The following RRAS2 variants were observed in gnomAD, a reference collection of about 807,000 sequenced individuals.
The protein encoded by RRAS2 is RAS related 2.
In RRAS2, 7 loss-of-function variants were observed where a neutral mutation model predicts 27.6. The observed-to-expected ratio is 0.25, with a 90% CI of 0.14 to 0.48. RRAS2 has a LOEUF of 0.48. Ranked by LOEUF, RRAS2 falls within the 20% of genes least tolerant of loss-of-function variation. RRAS2 has a pLI of 0.99. For synonymous variants in RRAS2, 86 were observed against 90.9 expected (o/e 0.95, Z 0.31); for missense variants, 178 against 256.2 (o/e 0.69, Z 2.08).
intron 5 of RRAS2, among the ~76,000 whole-genome samples, chr11:14,280,130 G>A (rs1368101387): frequency 3.9e-5 from 6 of 151,998 alleles, no homozygotes; most frequent in African/African-American, 9.7e-5. Context: ...ATGGGAAAGG[G>A]GGGTAAAATA....
intron 3 of RRAS2, 68 bp from the exon 4 acceptor site, chr11:14,294,647 G>GA: frequency 7.0e-7 from 1 of 1,438,772 alleles, no homozygotes; most frequent in Non-Finnish European, 9.6e-7. Context: ...CAAGTCTCAT[G>GA]CCCCAATTAG....
intron 1 of RRAS2, among the ~76,000 whole-genome samples, chr11:14,343,391 T>C (rs1848758405): frequency 6.6e-6 from 1 of 152,214 alleles, no homozygotes; most frequent in Admixed American, 6.5e-5. Flanking sequence ...AAACTTAAAT[T>C]TGAATTACTA....
At chr11:14,284,440 A>G (rs186462430) in intron 4 of RRAS2, among the ~76,000 whole-genome samples, 4 of 152,324 alleles carry the variant, frequency 2.6e-5, no homozygotes, top group Admixed American at 2.0e-4. Flanking sequence ...TTTATGATCC[A>G]TTCTTCTTTC....
chr11:14,333,020 T>G (rs1347802054), intron 1 of RRAS2, among the ~76,000 whole-genome samples: 1 of 152,114 alleles, frequency 6.6e-6, no homozygotes, highest in African/African-American at 2.4e-5. Context: ...AACTCAACAT[T>G]TGGGTCAATT....
At chr11:14,339,708 TAAA>T (rs1362721669) in intron 1 of RRAS2, among the ~76,000 whole-genome samples, 2 of 152,210 alleles carry the variant, frequency 1.3e-5, no homozygotes, top group Non-Finnish European at 2.9e-5. Flanking sequence ...TTATTAAAGT[TAAA>T]AAGAATTTTT....
intron 4 of RRAS2, among the ~76,000 whole-genome samples, chr11:14,293,294 G>A (rs963209949): frequency 1.3e-5 from 2 of 150,812 alleles, no homozygotes; most frequent in Admixed American, 6.6e-5. Flanking sequence ...TTTTCCTGAT[G>A]TTTACACTTT....
chr11:14,306,676 C>A (rs1399974279), intron 1 of RRAS2, among the ~76,000 whole-genome samples: 5 of 152,110 alleles, frequency 3.3e-5, no homozygotes, highest in Non-Finnish European at 7.4e-5. Flanking sequence ...GGTGGCTGTT[C>A]TACTGGGCTG....
chr11:14,344,983 C>CTTTTTTTTT lies in RRAS2; in HGVS notation c.108+13779_108+13780insAAAAAAAAA, dbSNP rs782306600. Among the ~76,000 whole-genome samples the CTTTTTTTTT allele has an allele frequency of 7.6e-5, 6 of 78,982 alleles. 2 individuals are homozygous for CTTTTTTTTT. The highest frequency in any genetic ancestry group is 9.7e-5 in the Non-Finnish European group (4 of 41,404). 51.8% of individuals were successfully genotyped at this position (78,982 alleles called of 152,430 possible). ...TTTATTTCCTGTGCCCTACTCAAGA[C>CTTTTTTTTT]TTTATTTTTTTTTTTTTTTTTTTTG... On this transcript the variant is annotated intron_variant, in intron 1 of 5. Transcript: ENST00000256196.
At chr11:14,338,699 G>C (rs2134019437) in intron 1 of RRAS2, among the ~76,000 whole-genome samples, 1 of 152,194 alleles carries the variant, frequency 6.6e-6, no homozygotes, top group Non-Finnish European at 1.5e-5. Flanking sequence ...AAGTCAAATG[G>C]CTCCAAATCC....
chr11:14,311,781 G>T (rs891549004), intron 1 of RRAS2, among the ~76,000 whole-genome samples: 1 of 151,964 alleles, frequency 6.6e-6, no homozygotes, highest in African/African-American at 2.4e-5. Context: ...CATGAATGAA[G>T]GAAATTAACA....
intron 1 of RRAS2, among the ~76,000 whole-genome samples, chr11:14,307,827 C>T (rs1017450682): frequency 1.3e-5 from 2 of 151,814 alleles, no homozygotes; most frequent in African/African-American, 4.8e-5. Context: ...TTGTAAGTTA[C>T]GAGTAAAGGT....
chr11:14,317,909 C>A (rs1848146228), intron 1 of RRAS2, among the ~76,000 whole-genome samples: 1 of 152,046 alleles, frequency 6.6e-6, no homozygotes, highest in African/African-American at 2.4e-5. Context: ...CCAGTCTGGG[C>A]AACAGAGTGA....
At chr11:14,302,073 TACACAC>T (rs57730782) in intron 1 of RRAS2, among the ~76,000 whole-genome samples, 2,693 of 142,444 alleles carry the variant, frequency 0.019, 45 homozygotes, top group Middle Eastern at 0.051. Context: ...ACCACACACA[TACACAC>T]ACACACACAC....
At chr11:14,295,999 TC>T (rs1847538061) in intron 1 of RRAS2, 144 bp from the exon 2 acceptor site, 1 of 550,182 alleles carries the variant, frequency 1.8e-6, no homozygotes, top group Non-Finnish European at 3.1e-6. Flanking sequence ...ACAGCAAGAC[TC>T]TTATCTCTTA....
chr11:14,295,961 C>T, intron 1 of RRAS2, 106 bp from the exon 2 acceptor site: 1 of 969,416 alleles, frequency 1.0e-6, no homozygotes, highest in Non-Finnish European at 1.5e-6. Flanking sequence ...TCACTTGAGG[C>T]CAGGAGTTTG....
At chr11:14,356,792 C>T (rs1554955477) in intron 1 of RRAS2, 2 of 431,308 alleles carry the variant, frequency 4.6e-6, no homozygotes, top group Non-Finnish European at 9.0e-6. Context: ...AGGAAAACGG[C>T]AATTAATGCT....
At chr11:14,332,336 A>G (rs1368288616) in intron 1 of RRAS2, among the ~76,000 whole-genome samples, 1 of 152,162 alleles carries the variant, frequency 6.6e-6, no homozygotes, top group Non-Finnish European at 1.5e-5. Flanking sequence ...ACCAAACAAT[A>G]AAAAAGAACT....
chr11:14,346,635 A>G lies in RRAS2; in HGVS notation c.108+12128T>C, dbSNP rs374870657. Among the ~76,000 whole-genome samples the G allele has an allele frequency of 5.3e-5, 8 of 152,364 alleles. No homozygotes were observed. In the East Asian group the frequency reaches 1.5e-3, roughly 29 times the overall value. On this transcript the variant is annotated intron_variant, in intron 1 of 5. Transcript: ENST00000256196. ...AAAAGTACTTGGAAATGTTCTTTAA[A>G]TCACAATTCAAAATAAAAAGTAGCT...
At chr11:14,343,094 T>C (rs564219493) in intron 1 of RRAS2, among the ~76,000 whole-genome samples, 3 of 152,326 alleles carry the variant, frequency 2.0e-5, no homozygotes, top group Non-Finnish European at 2.9e-5. Flanking sequence ...CTGTGCACCA[T>C]GTACTGTTCA....
Sources: gnomAD v4.1 joint callset for allele counts (sites outside exome capture counted in the v4.1 genomes callset) on GRCh38, gnomAD v4.1.1 for gene constraint, MANE v1.5 for transcripts, NCBI Gene and HGNC (gene_info 2026-07-23, HGNC 2026-07-21) for gene names.